Variants in ADCK1 observed in about 807,000 individuals in gnomAD.
ADCK1 encodes the protein aarF domain-containing protein kinase 1.
ADCK1 carries 41 observed loss-of-function variants against 52.3 expected under a neutral mutation model. The ratio of observed to expected loss-of-function variants is 0.78; its 90% CI spans 0.61 to 1.02. The LOEUF is 1.02. Among genes scored for constraint, ADCK1 ranks in the 50% least tolerant of loss-of-function variants. The probability of loss-of-function intolerance (pLI) is 0.00; values close to 1 mark genes in which losing one functional copy is unlikely to be tolerated. For missense variants in ADCK1, 658 were observed against 679.5 expected, an observed-to-expected ratio of 0.97 and a Z score of 0.35; for synonymous variants, 250 against 274.6, an observed-to-expected ratio of 0.91 and a Z score of 0.89.
intron 4 of ADCK1, among the ~76,000 whole-genome samples, chr14:77,866,070 T>C (rs1474887168): frequency 1.3e-5 from 2 of 152,188 alleles, no homozygotes; most frequent in East Asian, 3.8e-4. Context: ...AAATGCATCA[T>C]TAGGTGATTT....
chr14:77,852,068 G>A (rs939734216), intron 3 of ADCK1, among the ~76,000 whole-genome samples: 2 of 151,662 alleles, frequency 1.3e-5, no homozygotes, highest in Non-Finnish European at 1.5e-5. Context: ...GTGCGATCTC[G>A]GCTCACTGCA....
At chr14:77,894,830 G>A (rs2083375631) in intron 5 of ADCK1, among the ~76,000 whole-genome samples, 1 of 136,154 alleles carries the variant, frequency 7.3e-6, no homozygotes, top group South Asian at 2.5e-4. Context: ...TAGGCTCACT[G>A]CAACCTCTGC....
At chr14:77,896,532 T>C (rs888925747) in intron 5 of ADCK1, among the ~76,000 whole-genome samples, 3 of 152,220 alleles carry the variant, frequency 2.0e-5, no homozygotes, top group African/African-American at 7.2e-5. Flanking sequence ...GGAATTCAGG[T>C]GACTTAGATG....
chr14:77,851,784 T>A (rs767043618), intron 3 of ADCK1, among the ~76,000 whole-genome samples: 1 of 152,172 alleles, frequency 6.6e-6, no homozygotes. Context: ...ATGTAATACA[T>A]GCTTTTATGT....
At chr14:77,927,852 G>A (rs543657174) in intron 9 of ADCK1, among the ~76,000 whole-genome samples, 1 of 152,212 alleles carries the variant, frequency 6.6e-6, no homozygotes, top group Admixed American at 6.5e-5. Flanking sequence ...AGATCATCAC[G>A]CAGGGTCTTA....
At position 77,859,217 on chromosome 14, in the gene ADCK1, C is replaced by T. The variant is rs772034265; in HGVS notation, c.361C>T (p.Gln121Ter). Residue 121 changes from glutamine (Q) to a stop codon, truncating the protein, a stop_gained, in exon 4 of 11, where the codon CAG becomes TAG. Coordinates refer to ENST00000238561, the MANE Select transcript of ADCK1 (RefSeq NM_020421.4). LOFTEE classifies it high-confidence loss of function. Reference sequence around the variant, plus strand: ...CAGCACGCTGAAGGTACTGCACAGCCAGGCTCCACAGAGCAGCATGCAAGA... The same window carrying T: ...CAGCACGCTGAAGGTACTGCACAGCTAGGCTCCACAGAGCAGCATGCAAGA... ...YTSTLKVLHSQAPQSSMQEIR... is the reference protein window; with the variant it reads ...YTSTLKVLHS 6.2e-7 allele frequency: 1 copy of T among 1,614,038 alleles called. No homozygotes were observed. Among genetic ancestry groups the T allele is most frequent in the Non-Finnish European group, 8.5e-7 (1 of 1,179,996 alleles).
Position 77,923,938 on chromosome 14 carries a change from C to T in ADCK1, c.859-519C>T, listed in dbSNP as rs2084121949. 6.5e-6 allele frequency: 1 copy of T among 154,654 alleles called. No individual in the cohort carries two copies. The highest frequency in any genetic ancestry group is 1.4e-5 in the Non-Finnish European group (1 of 69,856). 9.6% of individuals were successfully genotyped at this position (154,654 alleles called of 1,614,324 possible). A position where few individuals can be genotyped will look rare whatever the true frequency, so the allele number is the denominator to read the frequency against. On this transcript the variant is annotated intron_variant, in intron 7 of 10. Coordinates refer to ENST00000238561, the MANE Select transcript of ADCK1 (RefSeq NM_020421.4). The surrounding 1 kb of genome is among the most constrained non-coding windows in gnomAD (Gnocchi z 4.3). ...AGGCGGGCCTGTGACTCTGGGTCCA[C>T]CTAGCACAGGCCTGGAGCAGGTGGG...
At chr14:77,908,577 G>A (rs767773486) in intron 7 of ADCK1, among the ~76,000 whole-genome samples, 10 of 152,152 alleles carry the variant, frequency 6.6e-5, no homozygotes, top group South Asian at 6.2e-4. Context: ...CTAGACTGGC[G>A]TGCAGTGGCA....
At chr14:77,886,942 G>C in intron 4 of ADCK1, 149 bp from the exon 5 acceptor site, 1 of 535,714 alleles carries the variant, frequency 1.9e-6, no homozygotes, top group Non-Finnish European at 2.7e-6. Context: ...ACACACACAC[G>C]CACAACACAC....
At chr14:77,818,429 G>A (rs535659070) in intron 1 of ADCK1, among the ~76,000 whole-genome samples, 9 of 152,030 alleles carry the variant, frequency 5.9e-5, no homozygotes, top group Admixed American at 3.3e-4. Flanking sequence ...CCACAGGCAC[G>A]TGCCATGATG....
intron 2 of ADCK1, among the ~76,000 whole-genome samples, chr14:77,820,454 T>C (rs1356018999): frequency 7.2e-5 from 11 of 151,798 alleles, no homozygotes; most frequent in Admixed American, 7.2e-4. Context: ...CCTCAGATTC[T>C]CGAGTAGCTG....
chr14:77,826,824 A>C (rs754824452), intron 3 of ADCK1, among the ~76,000 whole-genome samples: 2 of 152,088 alleles, frequency 1.3e-5, no homozygotes, highest in Middle Eastern at 3.2e-3. Context: ...GGCTCACCCC[A>C]CCCTTATTAG....
At chr14:77,815,199 C>T (rs1396722547) in intron 1 of ADCK1, among the ~76,000 whole-genome samples, 1 of 129,430 alleles carries the variant, frequency 7.7e-6, no homozygotes, top group Non-Finnish European at 1.6e-5. Flanking sequence ...TTTGTTTTGT[C>T]TTTTTTTTTT....
intron 4 of ADCK1, among the ~76,000 whole-genome samples, chr14:77,870,597 C>A (rs1399896833): frequency 1.3e-5 from 2 of 152,194 alleles, no homozygotes; most frequent in Non-Finnish European, 2.9e-5. Flanking sequence ...CCTATGGAAC[C>A]TTTTTAGCTG....
At chr14:77,823,560 CTTTATTTATTTA>C (rs66494884) in intron 3 of ADCK1, among the ~76,000 whole-genome samples, 294 of 137,136 alleles carry the variant, frequency 2.1e-3, no homozygotes, top group Middle Eastern at 0.018. Flanking sequence ...TCTTTCCCCC[CTTTATTTATTTA>C]TTTATTTATT....
chr14:77,806,015 T>C (rs10145004), intron 1 of ADCK1, among the ~76,000 whole-genome samples: 4,119 of 130,516 alleles, frequency 0.032, 218 homozygotes, highest in African/African-American at 0.11. Flanking sequence ...TTTTTTAAAG[T>C]GATGAGGTCT....
intron 8 of ADCK1, among the ~76,000 whole-genome samples, chr14:77,925,334 C>T (rs1412648394): frequency 2.0e-5 from 3 of 152,220 alleles, no homozygotes; most frequent in African/African-American, 7.2e-5. Flanking sequence ...GGCTCTGCCT[C>T]CCAAGCCTCA....
intron 1 of ADCK1, among the ~76,000 whole-genome samples, chr14:77,805,249 ATTCT>A (rs2081197250): frequency 2.0e-5 from 2 of 98,148 alleles, no homozygotes; most frequent in South Asian, 3.0e-4. Flanking sequence ...TTGGCTTTGC[ATTCT>A]TTTTTTTTTT....
chr14:77,827,799 G>A (rs1594889393), intron 3 of ADCK1: 5 of 404,694 alleles, frequency 1.2e-5, no homozygotes, highest in Non-Finnish European at 2.4e-5. Flanking sequence ...CCACTGCCAA[G>A]CACCTCTGCT....
Sources: gnomAD v4.1 joint callset for allele counts (sites outside exome capture counted in the v4.1 genomes callset) on GRCh38, gnomAD v4.1.1 for gene constraint, Gnocchi (gnomAD v3.1) non-coding constraint, MANE v1.5 for transcripts, NCBI Gene and HGNC (gene_info 2026-07-23, HGNC 2026-07-21) for gene names.